The following E2F6 variants were observed in gnomAD, a reference collection of about 807,000 sequenced individuals.
E2F6 encodes transcription factor E2F6.
A neutral mutation model predicts 31.5 loss-of-function variants in E2F6; 19 were observed. That is an observed-to-expected ratio of 0.60 (90% CI 0.42 to 0.89). The LOEUF (loss-of-function observed/expected upper bound fraction) is 0.89. E2F6 is among the 40% of genes least tolerant of loss of function. The pLI is 0.00. For missense variants in E2F6, 269 were observed against 341.6 expected (o/e 0.79, Z 1.67); for synonymous variants, 121 against 127.7 (o/e 0.95, Z 0.36).
At chr2:11,450,666 T>C (rs2148338588) in intron 4 of E2F6, among the ~76,000 whole-genome samples, 1 of 152,366 alleles carries the variant, frequency 6.6e-6, no homozygotes, top group Admixed American at 6.5e-5. Context: ...TCCATCTCAC[T>C]ACCTGAGTCT....
intron 1 of E2F6, among the ~76,000 whole-genome samples, chr2:11,463,346 T>C (rs1671904726): frequency 6.6e-6 from 1 of 152,222 alleles, no homozygotes; most frequent in Admixed American, 6.5e-5. Context: ...GGAGTAGGAT[T>C]TTCTCTTATT....
At position 11,453,582 on chromosome 2, in the gene E2F6, A is replaced by T; in HGVS notation, c.380T>A (p.Ile127Lys). ...EKKSKNHIRWIGSDLSNFGAV... is the reference protein window; with the variant it reads ...EKKSKNHIRWKGSDLSNFGAV... Reference sequence around the variant, plus strand: ...ACGAAAAAGTTTGAAAGCAACTCACATCCATCTAATATGGTTCTTGGATTT... The same window carrying T: ...ACGAAAAAGTTTGAAAGCAACTCACTTCCATCTAATATGGTTCTTGGATTT... The change falls in exon 3 of 7, where the codon ATA becomes AAA. Residue 127 changes from isoleucine to lysine, a missense_variant and splice_region_variant. By Grantham distance (102) the Ile-to-Lys change is moderately radical (BLOSUM62 -3). Transcript: ENST00000381525. 6.2e-7 allele frequency: 1 copy of T among 1,613,688 alleles called. No homozygotes were observed.
At chr2:11,454,398 G>C (rs1181524370) in intron 2 of E2F6, among the ~76,000 whole-genome samples, 3 of 151,304 alleles carry the variant, frequency 2.0e-5, no homozygotes, top group African/African-American at 7.3e-5. Flanking sequence ...GCCCAGGCTG[G>C]AGCTGGAGTG....
At chr2:11,452,081 A>T (rs1307642799) in intron 3 of E2F6, among the ~76,000 whole-genome samples, 1 of 152,212 alleles carries the variant, frequency 6.6e-6, no homozygotes. Flanking sequence ...CTAAGGAAAT[A>T]AAAAGGGCAC....
chr2:11,463,921 C>CCAGGGTGA lies in E2F6; in HGVS notation c.108+1843_108+1850dup, dbSNP rs1402485344. Reference sequence around the variant, plus strand: ...GCCATGATGTGCCACTGCACTCCAGCCAGGGTGACAGAGTGAGATCCTGCA... The same window carrying CCAGGGTGA: ...GCCATGATGTGCCACTGCACTCCAGCCAGGGTGACAGGGTGACAGAGTGAGATCCTGCA... On this transcript the variant is annotated intron_variant, in intron 1 of 6. Coordinates refer to ENST00000381525, the MANE Select transcript of E2F6 (RefSeq NM_198256.4). 8.7e-5 allele frequency among the ~76,000 whole-genome samples: 11 copies of CCAGGGTGA among 126,576 alleles called. No individual in the cohort carries two copies. In the East Asian group the frequency reaches 3.0e-3, roughly 34 times the overall value. The allele number at this position is 126,576 out of a possible 152,430, so 83.0% of individuals were successfully genotyped here.
intron 2 of E2F6, among the ~76,000 whole-genome samples, chr2:11,456,163 A>G (rs1671392907): frequency 6.6e-6 from 1 of 152,238 alleles, no homozygotes; most frequent in Non-Finnish European, 1.5e-5. Context: ...TTCTTTTAAT[A>G]TGAAGTGGCT....
chr2:11,452,784 T>G (rs1671152540), intron 3 of E2F6, among the ~76,000 whole-genome samples: 1 of 152,226 alleles, frequency 6.6e-6, no homozygotes, highest in Non-Finnish European at 1.5e-5. Context: ...AATTAGTGAT[T>G]CACAATGCAT....
intron 1 of E2F6, among the ~76,000 whole-genome samples, chr2:11,464,927 A>G (rs1434841820): frequency 6.6e-6 from 1 of 152,138 alleles, no homozygotes; most frequent in Non-Finnish European, 1.5e-5. Flanking sequence ...GAAATTGAAA[A>G]TACGGGGAGA....
intron 1 of E2F6, among the ~76,000 whole-genome samples, chr2:11,459,883 C>CAA: frequency 7.0e-6 from 1 of 142,646 alleles, no homozygotes; most frequent in Middle Eastern, 3.6e-3. Context: ...GACTCCGTCT[C>CAA]AAAAAAAAAA....
At chr2:11,454,707 A>C (rs1024957637) in intron 2 of E2F6, among the ~76,000 whole-genome samples, 9 of 147,438 alleles carry the variant, frequency 6.1e-5, no homozygotes, top group African/African-American at 2.3e-4. Context: ...ACAGATAGAC[A>C]AAAAAAAAAT....
Position 11,447,567 on chromosome 2 carries a change from C to G in E2F6, c.799+60G>C, listed in dbSNP as rs143096401. The G allele has an allele frequency of 4.1e-4, 644 of 1,565,652 alleles. 5 individuals carry two copies. In the African/African-American group the frequency reaches 8.1e-3, roughly 20 times the overall value. ...GTAAAAATATCTTAAGGCCATAATA[C>G]ACATTAATAAAATTATGCATGCTTA... On this transcript the variant is annotated intron_variant, in intron 6 of 6. Transcript: ENST00000381525.
At chr2:11,463,226 G>A (rs1050817675) in intron 1 of E2F6, among the ~76,000 whole-genome samples, 1 of 152,098 alleles carries the variant, frequency 6.6e-6, no homozygotes, top group Non-Finnish European at 1.5e-5. Context: ...TTCTTTACCC[G>A]CTGCCACCCC....
intron 1 of E2F6, among the ~76,000 whole-genome samples, chr2:11,464,210 C>T (rs182380684): frequency 1.3e-5 from 2 of 151,976 alleles, no homozygotes; most frequent in African/African-American, 2.4e-5. Flanking sequence ...TAATAAGAGG[C>T]CATCAAGTGG....
intron 2 of E2F6, among the ~76,000 whole-genome samples, chr2:11,454,087 G>A (rs949443464): frequency 1.3e-5 from 2 of 152,102 alleles, no homozygotes; most frequent in South Asian, 2.1e-4. Context: ...GTATCTTCTC[G>A]GACAAAGCAG....
chr2:11,458,956 T>C (rs969962129), intron 1 of E2F6, among the ~76,000 whole-genome samples: 2 of 152,166 alleles, frequency 1.3e-5, no homozygotes, highest in African/African-American at 4.8e-5. Flanking sequence ...GCAAACATGG[T>C]ATCCAACAGT....
At chr2:11,458,470 T>C in intron 1 of E2F6, 1 of 1,037,830 alleles carries the variant, frequency 9.6e-7, no homozygotes. Flanking sequence ...TGTAAGTGAC[T>C]TGACTTTGAA....
Position 11,465,857 on chromosome 2 carries a change from C to T in E2F6, c.23G>A (p.Arg8Lys), listed in dbSNP as rs768739502. The change falls in exon 1 of 7, where the codon AGG becomes AAG. Residue 8 changes from arginine to lysine, a missense_variant. Physicochemically the swap from Arg to Lys is conservative, Grantham distance 26. Coordinates refer to ENST00000381525, the MANE Select transcript of E2F6 (RefSeq NM_198256.4). MSQQRPA[R>K]KLPSLLLDPT... The stretch of plus-strand genomic sequence containing the variant: ...GTCCAGGAGGAGACTGGGTAACTTC[C>T]TCGCCGGCCGCTGCTGACTCATGCT... 6.4e-7 allele frequency: 1 copy of T among 1,570,832 alleles called. No individual in the cohort carries two copies. Among genetic ancestry groups the T allele is most frequent in the Non-Finnish European group, 8.6e-7 (1 of 1,158,908 alleles).
rs1572482577 is a variant in E2F6 at position 11,445,441 on chromosome 2, T to C, written c.*1036A>G. ...GTAAACTGAGGCACAGAGTGGTAAA[T>C]GACTTACCCAATGAGGTAGAAACAG... On this transcript the variant is annotated 3_prime_UTR_variant, in exon 7 of 7. Coordinates refer to ENST00000381525, the MANE Select transcript of E2F6 (RefSeq NM_198256.4). 6.6e-6 allele frequency: 1 copy of C among 152,608 alleles called. No individual in the cohort carries two copies. Among genetic ancestry groups the C allele is most frequent in the East Asian group, 1.9e-4 (1 of 5,194 alleles). The allele number at this position is 152,608 out of a possible 1,614,324, so 9.5% of individuals were successfully genotyped here. A position where few individuals can be genotyped will look rare whatever the true frequency, so the allele number is the denominator to read the frequency against.
chr2:11,447,504 G>A (rs1670791380), intron 6 of E2F6, 123 bp downstream of exon 6: 2 of 992,524 alleles, frequency 2.0e-6, no homozygotes, highest in East Asian at 2.4e-5. Context: ...TAAGAGTTAT[G>A]CTGTAATTTT....
Sources: gnomAD v4.1 joint callset for allele counts (sites outside exome capture counted in the v4.1 genomes callset) on GRCh38, gnomAD v4.1.1 for gene constraint, MANE v1.5 for transcripts, NCBI Gene and HGNC (gene_info 2026-07-23, HGNC 2026-07-21) for gene names.